TDRD6: variants seen among roughly 807,000 people sequenced by gnomAD.
TDRD6 encodes the protein tudor domain-containing protein 6.
A neutral mutation model predicts 157.5 loss-of-function variants in TDRD6; 186 were observed. The observed-to-expected ratio is 1.18, with a 90% CI of 1.05 to 1.33. The LOEUF (loss-of-function observed/expected upper bound fraction) is 1.33, where lower values mean the gene tolerates loss of function less well. Among genes scored for constraint, TDRD6 ranks in the 40% most tolerant of loss-of-function variants. TDRD6 has a pLI of 0.00. For synonymous variants in TDRD6, 1,075 were observed against 945.2 expected, an observed-to-expected ratio of 1.14 and a Z score of -2.52; for missense variants, 3,066 against 2,508.0, an observed-to-expected ratio of 1.22 and a Z score of -4.75.
At position 46,698,077 on chromosome 6, in the gene TDRD6, G is replaced by A; in HGVS notation, c.6251G>A (p.Ser2084Asn). Residue 2084 changes from serine to asparagine, a missense_variant, in exon 3 of 4, where the codon AGT becomes AAT. Transcript: ENST00000316081. ...AATGGCATACCCAAATTGGATAAGA[G>A]TCCACCTGAGGTATGGAATTCTATA... ...VWNGIPKLDK[S>N]PPEKRGLEVM... 2 of 1,602,230 alleles carry A rather than the reference G, an allele frequency of 1.2e-6. No homozygotes were observed. Among genetic ancestry groups the A allele is most frequent in the Non-Finnish European group, 1.7e-6 (2 of 1,170,624 alleles).
rs368514614 is a variant in TDRD6 at position 46,689,396 on chromosome 6, T to G, written c.1268T>G (p.Leu423Arg). Reference protein sequence around the residue: ...CSFEHVYYVSLYGEDGINLNR... With the variant: ...CSFEHVYYVSRYGEDGINLNR... The stretch of plus-strand genomic sequence containing the variant: ...TTTGAGCATGTGTATTATGTCAGCC[T>G]GTATGGAGAAGATGGGATTAATCTG... Residue 423 changes from leucine (L) to arginine (R), a missense_variant, in exon 1 of 4, where the codon CTG becomes CGG. Leu to Arg is a moderately radical substitution (Grantham distance 102). Transcript: ENST00000316081. 109 of 1,613,722 alleles carry G rather than the reference T, an allele frequency of 6.8e-5. No individual in the cohort carries two copies. Among genetic ancestry groups the G allele is most frequent in the Non-Finnish European group, 8.8e-5 (104 of 1,180,028 alleles).
At position 46,692,221 on chromosome 6, in the gene TDRD6, G is replaced by T; in HGVS notation, c.4093G>T (p.Glu1365Ter). The change falls in exon 1 of 4, where the codon GAA becomes TAA. Residue 1365 changes from glutamate to a stop codon, truncating the protein, a stop_gained. Coordinates refer to ENST00000316081, the MANE Select transcript of TDRD6 (RefSeq NM_001010870.3). LOFTEE classifies it high-confidence loss of function. ...RGDMICAVFP[E>*]DNLWYRAVIK... ...AGATATGATATGTGCTGTTTTCCCA[G>T]AAGATAATTTATGGTATCGTGCTGT... 1 of 1,614,138 alleles carries T rather than the reference G, an allele frequency of 6.2e-7. No individual in the cohort carries two copies. The highest frequency in any genetic ancestry group is 8.5e-7 in the Non-Finnish European group (1 of 1,179,990).
In TDRD6 at chr6:46,691,639, G is replaced by A; in HGVS notation, c.3511G>A (p.Glu1171Lys). ...AGATAGAATAAGAAAAAAAGAAAGT[G>A]AAGTCCTCTGTTCTACAACTGAAAC... is the stretch of plus-strand genomic sequence containing the variant. ...YKDRIRKKES[E>K]VLCSTTETLE... Residue 1171 changes from glutamate to lysine, a missense_variant, in exon 1 of 4, where the codon GAA becomes AAA. Transcript: ENST00000316081. 1 of 1,613,192 alleles carries A rather than the reference G, an allele frequency of 6.2e-7. No homozygotes were observed. Among genetic ancestry groups the A allele is most frequent in the East Asian group, 2.2e-5 (1 of 44,816 alleles).
rs1482176190 is a variant in TDRD6, at chr6:46,703,428, A to C, written c.*1541A>C. 3 of 152,132 alleles carry C rather than the reference A, an allele frequency of 2.0e-5. No homozygotes were observed. The highest frequency in any genetic ancestry group is 7.2e-5 in the African/African-American group (3 of 41,452). The allele number at this position is 152,132 out of a possible 1,614,324, so 9.4% of individuals were successfully genotyped here. A position where few individuals can be genotyped will look rare whatever the true frequency, so the allele number is the denominator to read the frequency against. On this transcript the variant is annotated 3_prime_UTR_variant, in exon 4 of 4. Transcript: ENST00000316081. ...AATTGCCAGAAGCAAAGCTCAGAGA[A>C]GATGCATTAGGATCAGATTATAGGA...
At chr6:46,681,363 C>T in the TDRD6 span, among the ~76,000 whole-genome samples, 7 of 152,070 alleles carry the variant, frequency 4.6e-5, no homozygotes, top group South Asian at 6.2e-4. Flanking sequence ...AATTGACTAA[C>T]AGTTAATAAA....
Position 46,692,436 on chromosome 6 carries a change from T to G in TDRD6, c.4308T>G (p.His1436Gln). The stretch of plus-strand genomic sequence containing the variant: ...ATAAAAATTCTAAGAAAATGATGCA[T>G]TACTTTTCCCAACGGACCAGCGAGG... The part of the protein sequence containing the change: ...PDNKNSKKMM[H>Q]YFSQRTSEAA... The change falls in exon 1 of 4, where the codon CAT becomes CAG. Residue 1436 changes from histidine to glutamine, a missense_variant. His to Gln is a conservative substitution (Grantham distance 24). Coordinates refer to ENST00000316081, the MANE Select transcript of TDRD6 (RefSeq NM_001010870.3). 1 of 1,614,122 alleles carries G rather than the reference T, an allele frequency of 6.2e-7. No homozygotes were observed. Among genetic ancestry groups the G allele is most frequent in the Non-Finnish European group, 8.5e-7 (1 of 1,180,004 alleles).
intron 1 of TDRD6, among the ~76,000 whole-genome samples, chr6:46,694,724 A>G (rs552436241): frequency 2.0e-5 from 3 of 152,330 alleles, no homozygotes; most frequent in African/African-American, 4.8e-5. Flanking sequence ...CTTGAAATCT[A>G]TTAGTCTCCA....
rs1764204232 is a variant in TDRD6 at position 46,688,804 on chromosome 6, G to T, written c.676G>T (p.Val226Phe). 1 of 1,611,472 alleles carries T rather than the reference G, an allele frequency of 6.2e-7. No individual in the cohort carries two copies. The highest frequency in any genetic ancestry group is 1.3e-5 in the African/African-American group (1 of 74,942). ...TGCTAGCGTGGGCTCCGGGGTCCCG[G>T]TTCTCTCGCGAGTCCCGCTCAAGCA... Reference protein sequence around the residue: ...ATASVGSGVPVLSRVPLKQKQ... With the variant: ...ATASVGSGVPFLSRVPLKQKQ... The change falls in exon 1 of 4, where the codon GTT becomes TTT. Residue 226 changes from valine (V) to phenylalanine (F), a missense_variant. Coordinates refer to ENST00000316081, the MANE Select transcript of TDRD6 (RefSeq NM_001010870.3).
chr6:46,680,826 C>A, the TDRD6 span, among the ~76,000 whole-genome samples: 37 of 152,106 alleles, frequency 2.4e-4, no homozygotes, highest in Admixed American at 1.2e-3. Flanking sequence ...CTGTTCCCTC[C>A]ATCTACCTTT....
chr6:46,691,532 GAACAC>G lies in TDRD6; in HGVS notation c.3405_3409del (p.Thr1136AspfsTer7). On this transcript the variant is annotated frameshift_variant, in exon 1 of 4. Transcript: ENST00000316081. LOFTEE classifies it high-confidence loss of function. ...TTAGTTGTAGCAAAAGATCCAGATG[GAACAC>G]TGATTATAGAACTATATGGTGACAA... 6.2e-7 allele frequency: 1 copy of G among 1,613,872 alleles called. No individual in the cohort carries two copies. Among genetic ancestry groups the G allele is most frequent in the Non-Finnish European group, 8.5e-7 (1 of 1,179,884 alleles).
chr6:46,701,802 A>G (rs1764632269), intron 3 of TDRD6, 56 bp from the exon 4 acceptor site: 1 of 1,594,338 alleles, frequency 6.3e-7, no homozygotes, highest in Non-Finnish European at 8.6e-7. Flanking sequence ...ATGGAAATAA[A>G]TTTTTTTGTT....
Position 46,698,046 on chromosome 6 carries a change from G to A in TDRD6, c.6220G>A (p.Val2074Ile). The A allele has an allele frequency of 6.2e-7, 1 of 1,611,262 alleles. No individual in the cohort carries two copies. The highest frequency in any genetic ancestry group is 1.1e-5 in the South Asian group (1 of 90,660). The change falls in exon 3 of 4, where the codon GTC becomes ATC. Residue 2074 changes from valine (V) to isoleucine (I), a missense_variant. Coordinates refer to ENST00000316081, the MANE Select transcript of TDRD6 (RefSeq NM_001010870.3). ...GGAGGAGATAGTGAACCCTGAGAATGTCTGGAATGGCATACCCAAATTGGA... is the reference window on the plus strand; with the variant it reads ...GGAGGAGATAGTGAACCCTGAGAATATCTGGAATGGCATACCCAAATTGGA... ...GMEEIVNPEN[V>I]WNGIPKLDKS...
chr6:46,694,431 G>C (rs892262729), intron 1 of TDRD6, among the ~76,000 whole-genome samples: 6 of 151,748 alleles, frequency 4.0e-5, no homozygotes, highest in Non-Finnish European at 8.8e-5. Flanking sequence ...CAAACTCCTG[G>C]GCTCAAGCAG....
chr6:46,697,366 C>T (rs980784410), intron 2 of TDRD6, among the ~76,000 whole-genome samples: 1 of 152,134 alleles, frequency 6.6e-6, no homozygotes, highest in African/African-American at 2.4e-5. Flanking sequence ...TTCTGTATTA[C>T]AATCCTATAC....
Position 46,688,242 on chromosome 6 carries a change from G to C in TDRD6, c.114G>C (p.Glu38Asp), listed in dbSNP as rs1314231515. 5 of 1,521,290 alleles carry C rather than the reference G, an allele frequency of 3.3e-6. No homozygotes were observed. Among genetic ancestry groups the C allele is most frequent in the Non-Finnish European group, 4.4e-6 (5 of 1,141,328 alleles). The allele number at this position is 1,521,290 out of a possible 1,614,324, so 94.2% of individuals were successfully genotyped here. ...TGCAGCTGTGGGGGCTGGTGGGCGAGCGGCGGGGCGAGTACCTGCGGCTGA... is the reference window on the plus strand; with the variant it reads ...TGCAGCTGTGGGGGCTGGTGGGCGACCGGCGGGGCGAGTACCTGCGGCTGA... Reference protein sequence around the residue: ...IPVQLWGLVGERRGEYLRLSR... With the variant: ...IPVQLWGLVGDRRGEYLRLSR... Residue 38 changes from glutamate to aspartate, a missense_variant, in exon 1 of 4, where the codon GAG becomes GAC. Coordinates refer to ENST00000316081, the MANE Select transcript of TDRD6 (RefSeq NM_001010870.3).
chr6:46,684,278 A>G (rs1296198902), upstream of TDRD6, among the ~76,000 whole-genome samples: 1 of 152,200 alleles, frequency 6.6e-6, no homozygotes, highest in African/African-American at 2.4e-5. Flanking sequence ...GGGATATACC[A>G]TGACTGTTGT....
rs375989241 is a variant in TDRD6 at position 46,688,154 on chromosome 6, C to T, written c.26C>T (p.Ala9Val). 7 of 1,543,872 alleles carry T rather than the reference C, an allele frequency of 4.5e-6. No individual in the cohort carries two copies. The African/African-American group carries it at 5.6e-5, about 12-fold the overall frequency. The change falls in exon 1 of 4, where the codon GCG becomes GTG. Residue 9 changes from alanine to valine, a missense_variant. Coordinates refer to ENST00000316081, the MANE Select transcript of TDRD6 (RefSeq NM_001010870.3). MCSTPGMP[A>V]PGASLALRVS... Reference sequence around the variant, plus strand: ...ATGTGCTCGACGCCCGGAATGCCGGCGCCGGGGGCCTCGCTGGCCCTGCGG... The same window carrying T: ...ATGTGCTCGACGCCCGGAATGCCGGTGCCGGGGGCCTCGCTGGCCCTGCGG...
rs1764175026 is a variant in TDRD6, at chr6:46,688,374, C to T, written c.246C>T (p.His82=). 1 of 1,534,568 alleles carries T rather than the reference C, an allele frequency of 6.5e-7. No individual in the cohort carries two copies. Among genetic ancestry groups the T allele is most frequent in the Non-Finnish European group, 8.7e-7 (1 of 1,144,730 alleles). ...TGGTGCAGGTCGGGCTTTTGTGGCA[C>T]CGCTGCCGCGTGGTCAGCCGGCAGG... ...LCLVQVGLLW[H]RCRVVSRQAQ... Residue 82 remains histidine (H), a synonymous_variant, in exon 1 of 4, where the codon CAC becomes CAT. Transcript: ENST00000316081.
chr6:46,692,235 G>A lies in TDRD6; in HGVS notation c.4107G>A (p.Trp1369Ter). The part of the protein sequence containing the change: ...ICAVFPEDNL[W>*]YRAVIKEQQP... ...CTGTTTTCCCAGAAGATAATTTATG[G>A]TATCGTGCTGTGATCAAGGAGCAAC... Residue 1369 changes from tryptophan to a stop codon, truncating the protein, a stop_gained, in exon 1 of 4, where the codon TGG (tryptophan) becomes TGA (stop). Coordinates refer to ENST00000316081, the MANE Select transcript of TDRD6 (RefSeq NM_001010870.3). LOFTEE classifies it high-confidence loss of function. 1 of 1,614,030 alleles carries A rather than the reference G, an allele frequency of 6.2e-7. No individual in the cohort carries two copies. The highest frequency in any genetic ancestry group is 2.2e-5 in the East Asian group (1 of 44,868).
Sources: allele counts gnomAD v4.1 joint callset (sites outside exome capture counted in the v4.1 genomes callset), GRCh38; gene constraint gnomAD v4.1.1; transcripts MANE v1.5; gene names NCBI Gene and HGNC (gene_info 2026-07-23, HGNC 2026-07-21).